NRXN1: variants seen among roughly 807,000 people sequenced by gnomAD.
NRXN1 encodes neurexin 1.
Under a neutral mutation model 150.9 loss-of-function variants are expected in NRXN1, and 39 were observed. The ratio of observed to expected loss-of-function variants is 0.26; its 90% CI spans 0.20 to 0.34. The LOEUF (loss-of-function observed/expected upper bound fraction) is 0.34. Among genes scored for constraint, NRXN1 ranks in the 10% least tolerant of loss-of-function variants. The pLI is 1.00. For missense variants in NRXN1, 1,815 were observed against 1,949.9 expected (o/e 0.93, Z 1.30); for synonymous variants, 924 against 757.0 (o/e 1.22, Z -3.62).
intron 9 of NRXN1, among the ~76,000 whole-genome samples, chr2:50,544,927 C>T (rs1455238414): frequency 2.0e-5 from 3 of 151,994 alleles, no homozygotes; most frequent in Non-Finnish European, 2.9e-5. Flanking sequence ...CAAAGAATGG[C>T]ACAGAAAAAG....
intron 5 of NRXN1, among the ~76,000 whole-genome samples, chr2:50,664,379 G>A (rs928330493): frequency 7.3e-6 from 1 of 137,824 alleles, no homozygotes; most frequent in African/African-American, 2.7e-5. Context: ...AAACTTTTGA[G>A]AATTCAAAGT....
At chr2:49,982,074 C>T (rs2152508964) in intron 21 of NRXN1, among the ~76,000 whole-genome samples, 1 of 152,204 alleles carries the variant, frequency 6.6e-6, no homozygotes, top group Admixed American at 6.5e-5. Context: ...AAGTCAAGAA[C>T]CAGATTCTTC....
intron 18 of NRXN1, among the ~76,000 whole-genome samples, chr2:50,229,447 C>T (rs2064733383): frequency 6.6e-6 from 1 of 151,488 alleles, no homozygotes; most frequent in East Asian, 1.9e-4. Flanking sequence ...TTCTTTTTTT[C>T]TTCCATCAAT....
At chr2:50,908,777 G>A (rs901764675) in intron 5 of NRXN1, among the ~76,000 whole-genome samples, 11 of 151,938 alleles carry the variant, frequency 7.2e-5, no homozygotes, top group Non-Finnish European at 7.4e-5. Flanking sequence ...ATTAGATAAG[G>A]TCATCAGTAT....
chr2:50,364,062 G>C (rs1469706718), intron 17 of NRXN1, among the ~76,000 whole-genome samples: 1 of 152,076 alleles, frequency 6.6e-6, no homozygotes, highest in Non-Finnish European at 1.5e-5. Context: ...GACACAGGGA[G>C]GGGAACATCA....
At chr2:49,944,118 T>G in intron 21 of NRXN1, among the ~76,000 whole-genome samples, 1 of 152,208 alleles carries the variant, frequency 6.6e-6, no homozygotes, top group African/African-American at 2.4e-5. Flanking sequence ...GATTTGAAAT[T>G]TATTACAGCC....
At chr2:50,484,952 A>G (rs1012251612) in intron 15 of NRXN1, among the ~76,000 whole-genome samples, 1 of 152,222 alleles carries the variant, frequency 6.6e-6, no homozygotes, top group African/African-American at 2.4e-5. Context: ...GTAGACATTC[A>G]GAAGTAATCC....
At chr2:50,341,873 G>A (rs1325499302) in intron 17 of NRXN1, among the ~76,000 whole-genome samples, 5 of 152,198 alleles carry the variant, frequency 3.3e-5, no homozygotes, top group Admixed American at 3.3e-4. Flanking sequence ...GTGAGTCCCA[G>A]ATGATTGCTA....
intron 15 of NRXN1, among the ~76,000 whole-genome samples, chr2:50,494,412 T>C (rs2091443057): frequency 6.6e-6 from 1 of 152,120 alleles, no homozygotes; most frequent in African/African-American, 2.4e-5. Context: ...CTGAGCCCAC[T>C]GTGCAAAACA....
At chr2:51,025,082 A>G (rs1177866558) in intron 2 of NRXN1, among the ~76,000 whole-genome samples, 1 of 152,160 alleles carries the variant, frequency 6.6e-6, no homozygotes, top group Non-Finnish European at 1.5e-5. Context: ...CAATCCTTCT[A>G]GGAAGACTGA....
intron 8 of NRXN1, among the ~76,000 whole-genome samples, chr2:50,611,863 A>G (rs1172397876): frequency 6.6e-6 from 1 of 152,122 alleles, no homozygotes; most frequent in Non-Finnish European, 1.5e-5. Context: ...CTGAAAGCTC[A>G]TATATAACTA....
At chr2:50,843,130 C>G (rs1171976812) in intron 5 of NRXN1, among the ~76,000 whole-genome samples, 2 of 152,146 alleles carry the variant, frequency 1.3e-5, no homozygotes, top group Non-Finnish European at 2.9e-5. Flanking sequence ...AAGACAGACA[C>G]ATACTGAGAC....
intron 18 of NRXN1, among the ~76,000 whole-genome samples, chr2:50,213,307 C>G (rs1378237635): frequency 6.6e-6 from 1 of 151,796 alleles, no homozygotes; most frequent in Non-Finnish European, 1.5e-5. Context: ...AGTTTGCATT[C>G]TAATGATACT....
At chr2:49,926,354 T>C (rs959685160) in intron 22 of NRXN1, 6 of 398,356 alleles carry the variant, frequency 1.5e-5, no homozygotes, top group Admixed American at 8.8e-5. Context: ...TAAGATACGG[T>C]GGTCTCTAGA....
At chr2:50,373,331 T>TTA (rs1477232862) in intron 17 of NRXN1, among the ~76,000 whole-genome samples, 1 of 146,972 alleles carries the variant, frequency 6.8e-6, no homozygotes, top group African/African-American at 2.5e-5. Context: ...ATTATTATTA[T>TTA]TTTGCCTCAG....
chr2:50,734,225 C>T (rs999828290), intron 5 of NRXN1, among the ~76,000 whole-genome samples: 3 of 152,120 alleles, frequency 2.0e-5, no homozygotes, highest in African/African-American at 4.8e-5. Context: ...TCAGAAACCC[C>T]GTCCTAACCT....
intron 8 of NRXN1, among the ~76,000 whole-genome samples, chr2:50,586,626 A>C (rs1317098846): frequency 6.6e-6 from 1 of 152,126 alleles, no homozygotes; most frequent in Admixed American, 6.6e-5. Context: ...TCTAAGAAAA[A>C]TTAGTGGCTT....
At chr2:50,115,388 G>T (rs1702924694) in intron 18 of NRXN1, among the ~76,000 whole-genome samples, 1 of 151,708 alleles carries the variant, frequency 6.6e-6, no homozygotes, top group African/African-American at 2.4e-5. Flanking sequence ...ATACCAACAG[G>T]AATCAATGTT....
At chr2:50,850,227 G>A (rs1171052204) in intron 5 of NRXN1, among the ~76,000 whole-genome samples, 5 of 133,768 alleles carry the variant, frequency 3.7e-5, no homozygotes, top group South Asian at 4.7e-4. Context: ...GACCTGTCTC[G>A]ACAGAAAAAA....
Sources: gnomAD v4.1 joint callset for allele counts (sites outside exome capture counted in the v4.1 genomes callset) on GRCh38, gnomAD v4.1.1 for gene constraint, MANE v1.5 for transcripts, NCBI Gene and HGNC (gene_info 2026-07-23, HGNC 2026-07-21) for gene names.